RIC1: variants seen among roughly 807,000 people sequenced by gnomAD.
RIC1 encodes the protein RIC1 partner of RAB6A GEF complex, also known as guanine nucleotide exchange factor subunit RIC1.
RIC1 carries 88 observed loss-of-function variants against 169.0 expected under a neutral mutation model. The ratio of observed to expected loss-of-function variants is 0.52; its 90% CI spans 0.44 to 0.62. The LOEUF is 0.62. Among genes scored for constraint, RIC1 ranks in the 20% least tolerant of loss-of-function variants. RIC1 has a pLI of 0.00. For missense variants in RIC1, 1,877 were observed against 1,725.5 expected (o/e 1.09, Z -1.56); for synonymous variants, 790 against 601.5 (o/e 1.31, Z -4.59).
chr9:5,763,190 G>C lies in RIC1; in HGVS notation c.2163G>C (p.Trp721Cys). 6.2e-7 allele frequency: 1 copy of C among 1,614,038 alleles called. No individual in the cohort carries two copies. Residue 721 changes from tryptophan (W) to cysteine (C), a missense_variant, in exon 19 of 26, where the codon TGG becomes TGC. Trp to Cys is a radical substitution (Grantham distance 215). Around this residue, in one of 3 missense-constraint regions of RIC1, gnomAD observed 1,104 missense variants for 992.0 expected, o/e 1.11. Transcript: ENST00000414202. The surrounding 1 kb of genome is among the most constrained non-coding windows in gnomAD (Gnocchi z 5.2). ...TAGCCCAGTCTGTTGAAAATGTCTG[G>C]ACAACGTGTCGAGCAAATAAACAGA... ...VVLAQSVENVWTTCRANKQKR... is the reference protein window; with the variant it reads ...VVLAQSVENVCTTCRANKQKR...
rs1304269030 is a variant in RIC1 at position 5,695,234 on chromosome 9, A to G, written c.332+5196A>G. Among the ~76,000 whole-genome samples the G allele has an allele frequency of 2.0e-5, 3 of 152,270 alleles. 1 individual carries two copies. The highest frequency in any genetic ancestry group is 2.0e-4 in the Admixed American group (3 of 15,292). On this transcript the variant is annotated intron_variant, in intron 3 of 25. Coordinates refer to ENST00000414202, the MANE Select transcript of RIC1 (RefSeq NM_020829.4). ...AGATTTAGCAGGTATGAAAATTCAT[A>G]AGAAGATACCGTGAATAAATTTTAG...
At chr9:5,641,691 A>T (rs541840586) in intron 1 of RIC1, among the ~76,000 whole-genome samples, 1 of 115,376 alleles carries the variant, frequency 8.7e-6, no homozygotes, top group African/African-American at 5.2e-5. Context: ...TGCTTGATCA[A>T]TTCTGCTTTT....
At chr9:5,778,422 G>A (rs990990408), downstream of RIC1, among the ~76,000 whole-genome samples, 2 of 152,146 alleles carry the variant, frequency 1.3e-5, no homozygotes, top group Non-Finnish European at 1.5e-5. Flanking sequence ...AGAGCCACTA[G>A]TACAATGCTT....
intron 1 of RIC1, among the ~76,000 whole-genome samples, chr9:5,647,986 G>GTGGTGTGA (rs1563867111): frequency 1.7e-5 from 2 of 116,464 alleles, no homozygotes; most frequent in African/African-American, 7.7e-5. Flanking sequence ...GGTGGTGGTG[G>GTGGTGTGA]TGGTGGTAGT....
chr9:5,706,691 A>G (rs1338552660), intron 3 of RIC1, among the ~76,000 whole-genome samples: 1 of 152,136 alleles, frequency 6.6e-6, no homozygotes, highest in African/African-American at 2.4e-5. Context: ...GTGTGTTTCT[A>G]GGAATTTGTC....
intron 6 of RIC1, among the ~76,000 whole-genome samples, chr9:5,725,135 C>T (rs1823881440): frequency 6.6e-6 from 1 of 152,146 alleles, no homozygotes; most frequent in South Asian, 2.1e-4. Context: ...AGGAATGGTA[C>T]CAGTTCCTCT....
chr9:5,698,962 G>C (rs1822061534), intron 3 of RIC1, among the ~76,000 whole-genome samples: 1 of 152,118 alleles, frequency 6.6e-6, no homozygotes, highest in Non-Finnish European at 1.5e-5. Context: ...AAAAAATACA[G>C]GTGTACTTGT....
chr9:5,721,576 C>A (rs990400447), intron 6 of RIC1, among the ~76,000 whole-genome samples: 1 of 152,210 alleles, frequency 6.6e-6, no homozygotes, highest in African/African-American at 2.4e-5. Context: ...GGCAAACGGG[C>A]AGTTATTTAT....
intron 10 of RIC1, among the ~76,000 whole-genome samples, chr9:5,744,412 A>C (rs1198716599): frequency 6.6e-6 from 1 of 152,204 alleles, no homozygotes; most frequent in Non-Finnish European, 1.5e-5. Flanking sequence ...GTCAAAGAGA[A>C]TTATGGTCAC....
intron 9 of RIC1, 53 bp from the exon 10 acceptor site, chr9:5,743,636 G>C (rs1030436663): frequency 3.0e-6 from 4 of 1,349,386 alleles, no homozygotes; most frequent in African/African-American, 3.0e-5. Context: ...AATTTTATGT[G>C]TATTATATGT....
intron 11 of RIC1, among the ~76,000 whole-genome samples, 188 bp from the exon 12 acceptor site, chr9:5,747,114 C>A (rs1458694402): frequency 6.6e-6 from 1 of 152,206 alleles, no homozygotes; most frequent in East Asian, 1.9e-4. Context: ...GAGCACTATT[C>A]TTTCTAATTA....
chr9:5,777,884 T>A (rs563464765), downstream of RIC1, among the ~76,000 whole-genome samples: 7 of 152,302 alleles, frequency 4.6e-5, no homozygotes, highest in East Asian at 1.3e-3. Context: ...TTGTAGGAAA[T>A]TTTGAAAGCG....
At position 5,641,000 on chromosome 9, in the gene RIC1, T is replaced by C. The variant is rs1405199173; in HGVS notation, c.144+11547T>C. Among the ~76,000 whole-genome samples the C allele has an allele frequency of 2.6e-5, 4 of 152,060 alleles. No individual in the cohort carries two copies. In the South Asian group the frequency reaches 6.2e-4, roughly 24 times the overall value. ...TATTGGAGCTCTATTGTATGTTATT[T>C]GTTTCTTTTCTCTTGCCGTTTTTAG... On this transcript the variant is annotated intron_variant, in intron 1 of 25. Coordinates refer to ENST00000414202, the MANE Select transcript of RIC1 (RefSeq NM_020829.4).
intron 3 of RIC1, among the ~76,000 whole-genome samples, chr9:5,696,318 C>G (rs1586966027): frequency 6.6e-6 from 1 of 151,892 alleles, no homozygotes; most frequent in East Asian, 1.9e-4. Context: ...AACCTACTTT[C>G]TCCATATCTT....
At chr9:5,693,211 C>G (rs941579277) in intron 3 of RIC1, among the ~76,000 whole-genome samples, 3 of 152,124 alleles carry the variant, frequency 2.0e-5, no homozygotes, top group African/African-American at 7.2e-5. Flanking sequence ...TATAGAAATA[C>G]TATTGTCTCT....
At chr9:5,710,834 A>G (rs561980213) in intron 3 of RIC1, among the ~76,000 whole-genome samples, 1 of 152,310 alleles carries the variant, frequency 6.6e-6, no homozygotes, top group East Asian at 1.9e-4. Flanking sequence ...TATATTCAGT[A>G]AAAGCATTGA....
chr9:5,683,254 G>GT (rs1820974158), intron 2 of RIC1, among the ~76,000 whole-genome samples: 2 of 152,172 alleles, frequency 1.3e-5, no homozygotes, highest in South Asian at 2.1e-4. Flanking sequence ...TTTCTGCTCT[G>GT]TTTTTTCCCC....
chr9:5,751,357 G>A (rs555089444), intron 12 of RIC1, among the ~76,000 whole-genome samples: 2 of 151,764 alleles, frequency 1.3e-5, no homozygotes, highest in East Asian at 3.9e-4. Flanking sequence ...GATCTTTTTG[G>A]GGGTCTGGGG....
intron 1 of RIC1, among the ~76,000 whole-genome samples, chr9:5,649,257 A>G (rs571885798): frequency 3.9e-5 from 6 of 152,358 alleles, no homozygotes; most frequent in African/African-American, 1.4e-4. Context: ...AATGGTAATT[A>G]CATAGAATAC....
Sources: allele counts gnomAD v4.1 joint callset (sites outside exome capture counted in the v4.1 genomes callset), GRCh38; gene constraint gnomAD v4.1.1; regional missense constraint gnomAD v4.1.1; non-coding constraint Gnocchi (gnomAD v3.1); transcripts MANE v1.5; gene names NCBI Gene and HGNC (gene_info 2026-07-23, HGNC 2026-07-21).